Variants in NCKAP5 observed in about 807,000 individuals in gnomAD.
NCKAP5 encodes the protein NCK associated protein 5.
A neutral mutation model predicts 167.0 loss-of-function variants in NCKAP5; 92 were observed. The observed-to-expected ratio is 0.55, with a 90% CI of 0.47 to 0.66. The LOEUF is 0.66. NCKAP5 is among the 30% of genes least tolerant of loss of function. The probability of loss-of-function intolerance (pLI) is 0.00; values close to 1 mark genes in which losing one functional copy is unlikely to be tolerated. For missense variants in NCKAP5, 2,378 were observed against 2,315.0 expected, an observed-to-expected ratio of 1.03 and a Z score of -0.56; for synonymous variants, 891 against 877.4, an observed-to-expected ratio of 1.02 and a Z score of -0.27.
intron 11 of NCKAP5, among the ~76,000 whole-genome samples, chr2:132,821,385 G>T (rs1686718592): frequency 1.3e-5 from 2 of 150,846 alleles, no homozygotes; most frequent in African/African-American, 4.8e-5. Flanking sequence ...CGCACTCCCA[G>T]CTTCTAGCTT....
At chr2:133,593,383 A>G in the NCKAP5 span, among the ~76,000 whole-genome samples, 1 of 152,166 alleles carries the variant, frequency 6.6e-6, no homozygotes, top group East Asian at 1.9e-4. Flanking sequence ...AAAAAAAAAA[A>G]GCCAGCATAC....
intron 2 of NCKAP5, among the ~76,000 whole-genome samples, chr2:133,550,353 A>C (rs1687179418): frequency 6.6e-6 from 1 of 151,038 alleles, no homozygotes; most frequent in Admixed American, 6.6e-5. Flanking sequence ...CCTCAATAAA[A>C]TACTGGCAAA....
In NCKAP5 at chr2:133,517,341, C is replaced by T. The variant is rs77487705; in HGVS notation, c.69+117G>A. The T allele has an allele frequency of 6.9e-3, 3,208 of 467,264 alleles. 54 individuals carry two copies. Among genetic ancestry groups the T allele is most frequent in the African/African-American group, 0.039 (1,946 of 50,112 alleles). 28.9% of individuals were successfully genotyped at this position (467,264 alleles called of 1,614,324 possible). A position where few individuals can be genotyped will look rare whatever the true frequency, so the allele number is the denominator to read the frequency against. ...TGAAACAAAATCTCAAGGGATGTTG[C>T]TAATGGTGTAACTGGAAGAGAGGTT... is the stretch of plus-strand genomic sequence containing the variant. On this transcript the variant is annotated intron_variant, in intron 3 of 19. Transcript: ENST00000409261.
the NCKAP5 span, among the ~76,000 whole-genome samples, chr2:133,663,613 C>G: frequency 6.6e-6 from 1 of 152,154 alleles, no homozygotes; most frequent in East Asian, 1.9e-4. Flanking sequence ...GAGTAGACAC[C>G]ATCTCCAGAA....
chr2:133,606,986 T>C, the NCKAP5 span, among the ~76,000 whole-genome samples: 1 of 152,134 alleles, frequency 6.6e-6, no homozygotes, highest in Non-Finnish European at 1.5e-5. Flanking sequence ...GGATATCAGA[T>C]AATAGAAAGG....
intron 2 of NCKAP5, chr2:133,558,305 AGAG>A (rs1465973490): frequency 3.3e-5 from 5 of 152,142 alleles, no homozygotes; most frequent in Middle Eastern, 3.2e-3. Flanking sequence ...TTTGCTCTGG[AGAG>A]GAGGAGGAGG....
rs563520789 is a variant in NCKAP5, at chr2:132,747,499, G to T, written c.5129-15448C>A. ...CTGAGAAGTGAAATGGTCACTTGAA[G>T]AAGTGCCGGCCTGACTCTGAAGCTC... On this transcript the variant is annotated intron_variant, in intron 16 of 19. Transcript: ENST00000409261. Among the ~76,000 whole-genome samples the T allele has an allele frequency of 1.5e-4, 18 of 117,186 alleles. No individual in the cohort carries two copies. In the South Asian group the frequency reaches 4.2e-3, roughly 27 times the overall value. 76.9% of individuals were successfully genotyped at this position (117,186 alleles called of 152,430 possible). A position where few individuals can be genotyped will look rare whatever the true frequency, so the allele number is the denominator to read the frequency against.
At chr2:133,556,931 C>G (rs1250086285) in intron 2 of NCKAP5, 2 of 152,130 alleles carry the variant, frequency 1.3e-5, no homozygotes, top group Non-Finnish European at 2.9e-5. Flanking sequence ...ATAATTTTCT[C>G]TTCTCAAGAA....
rs76947191 is a variant in NCKAP5, at chr2:133,236,398, C to T, written c.144-22619G>A. Among the ~76,000 whole-genome samples the T allele has an allele frequency of 7.4e-3, 1,121 of 152,164 alleles. 10 individuals carry two copies. Among genetic ancestry groups the T allele is most frequent in the African/African-American group, 0.025 (1,051 of 41,514 alleles). On this transcript the variant is annotated intron_variant, in intron 4 of 19. Transcript: ENST00000409261. Reference sequence around the variant, plus strand: ...GGAGAACTCAGCATATATACCCTACCAGTTGTTTTTAGGTTCTGAAAAAAT... The same window carrying T: ...GGAGAACTCAGCATATATACCCTACTAGTTGTTTTTAGGTTCTGAAAAAAT...
chr2:133,008,743 G>GA (rs574448678), intron 6 of NCKAP5, among the ~76,000 whole-genome samples: 3 of 151,792 alleles, frequency 2.0e-5, no homozygotes, highest in East Asian at 1.9e-4. Context: ...AAAACTGGGG[G>GA]AAAAAAAGTC....
intron 6 of NCKAP5, among the ~76,000 whole-genome samples, chr2:133,119,975 G>C (rs1397204069): frequency 6.6e-6 from 1 of 152,008 alleles, no homozygotes; most frequent in African/African-American, 2.4e-5. Context: ...AAAGTAAAAA[G>C]TACTGTCATT....
At chr2:132,797,417 C>T (rs954465705) in intron 11 of NCKAP5, among the ~76,000 whole-genome samples, 1 of 152,168 alleles carries the variant, frequency 6.6e-6, no homozygotes, top group African/African-American at 2.4e-5. Context: ...ATTACTAAGG[C>T]TTTTCTGTGG....
Position 132,825,467 on chromosome 2 carries a change from GT to G in NCKAP5, c.808-28739del, listed in dbSNP as rs532088662. On this transcript the variant is annotated intron_variant, in intron 11 of 19. Transcript: ENST00000409261. ...TTAATGGCCTCTTCAGTTACACTGAGTGTCTGATTTTTATCTCTAAATACAG... is the reference window on the plus strand; with the variant it reads ...TTAATGGCCTCTTCAGTTACACTGAGGTCTGATTTTTATCTCTAAATACAG... 3.0e-3 allele frequency among the ~76,000 whole-genome samples: 458 copies of G among 152,336 alleles called. 2 individuals carry two copies. The highest frequency in any genetic ancestry group is 0.011 in the African/African-American group (438 of 41,582).
the NCKAP5 span, among the ~76,000 whole-genome samples, chr2:133,671,088 G>T: frequency 6.6e-6 from 1 of 151,880 alleles, no homozygotes; most frequent in Admixed American, 6.6e-5. Flanking sequence ...GGTGGCAGGT[G>T]CCTGTAGTCC....
intron 11 of NCKAP5, among the ~76,000 whole-genome samples, chr2:132,821,475 TG>T (rs1442687432): frequency 6.6e-6 from 1 of 152,154 alleles, no homozygotes; most frequent in Non-Finnish European, 1.5e-5. Flanking sequence ...GAGGGGTTGC[TG>T]GGTAAAGGAA....
chr2:133,476,718 G>A (rs1679942259), intron 3 of NCKAP5, among the ~76,000 whole-genome samples: 1 of 152,112 alleles, frequency 6.6e-6, no homozygotes, highest in South Asian at 2.1e-4. Context: ...TCTGTCTTCG[G>A]TTCTCCTTCC....
At chr2:133,101,148 A>C (rs1475192463) in intron 6 of NCKAP5, among the ~76,000 whole-genome samples, 1 of 148,964 alleles carries the variant, frequency 6.7e-6, no homozygotes, top group Non-Finnish European at 1.5e-5. Flanking sequence ...AGCACCATTT[A>C]TTAAATAGGG....
At chr2:133,576,149 G>A in the NCKAP5 span, among the ~76,000 whole-genome samples, 1 of 152,248 alleles carries the variant, frequency 6.6e-6, no homozygotes, top group African/African-American at 2.4e-5. Context: ...TGATGAGGAA[G>A]TGGGAAGGCA....
chr2:133,657,967 T>G, the NCKAP5 span, among the ~76,000 whole-genome samples: 49 of 152,156 alleles, frequency 3.2e-4, 1 homozygote, highest in Non-Finnish European at 5.7e-4. Context: ...AAACAAGCCC[T>G]GGAAAGAACT....
Sources: allele counts gnomAD v4.1 joint callset (sites outside exome capture counted in the v4.1 genomes callset), GRCh38; gene constraint gnomAD v4.1.1; transcripts MANE v1.5; gene names NCBI Gene and HGNC (gene_info 2026-07-23, HGNC 2026-07-21).